DTNA: variants seen among roughly 807,000 people sequenced by gnomAD.
DTNA encodes dystrophin-related protein 3.
Under a neutral mutation model 100.7 loss-of-function variants are expected in DTNA, and 43 were observed. That is an observed-to-expected ratio of 0.43 (90% CI 0.33 to 0.55). The LOEUF (loss-of-function observed/expected upper bound fraction) is 0.55. Among genes scored for constraint, DTNA ranks in the 20% least tolerant of loss-of-function variants. The pLI is 0.04. For missense variants in DTNA, 798 were observed against 953.9 expected (o/e 0.84, Z 2.15); for synonymous variants, 349 against 347.9 (o/e 1.00, Z -0.04).
rs532732852 is a variant in DTNA, at chr18:34,891,030, C to T, written c.*3296C>T. The stretch of plus-strand genomic sequence containing the variant: ...CCACGCAAGGAGCCACAAGTGAGAA[C>T]TCCACTGTCCTTAGAAGAAAGGGCA... On this transcript the variant is annotated 3_prime_UTR_variant, in exon 23 of 23. Transcript: ENST00000444659. 3 of 152,502 alleles carry T rather than the reference C, an allele frequency of 2.0e-5. No homozygotes were observed. Among genetic ancestry groups the T allele is most frequent in the Non-Finnish European group, 2.9e-5 (2 of 68,060 alleles). 9.4% of individuals were successfully genotyped at this position (152,502 alleles called of 1,614,324 possible). A position where few individuals can be genotyped will look rare whatever the true frequency, so the allele number is the denominator to read the frequency against.
chr18:34,889,606 G>A lies in DTNA; in HGVS notation c.*1872G>A, dbSNP rs1377629911. ...TCTTCATGCCCCCTCTGCAGAGGGC[G>A]GCTGTACGATGTTCACATGTCTGCG... On this transcript the variant is annotated 3_prime_UTR_variant, in exon 23 of 23. Coordinates refer to ENST00000444659, the MANE Select transcript of DTNA (RefSeq NM_001386795.1). The A allele has an allele frequency of 1.8e-5, 18 of 985,346 alleles. No homozygotes were observed. Among genetic ancestry groups the A allele is most frequent in the South Asian group, 4.7e-5 (1 of 21,280 alleles). The allele number at this position is 985,346 out of a possible 1,614,324, so 61.0% of individuals were successfully genotyped here.
intron 9 of DTNA, chr18:34,825,312 A>G: frequency 6.2e-7 from 1 of 1,612,760 alleles, no homozygotes; most frequent in East Asian, 2.2e-5. Context: ...ACTTACAAAG[A>G]TGTATAATCA....
Position 34,890,584 on chromosome 18 carries a change from G to A in DTNA, c.*2850G>A. On this transcript the variant is annotated 3_prime_UTR_variant, in exon 23 of 23. Transcript: ENST00000444659. ...TGTTAATAAGCACTGGTCTAACACAGCCAACCCTCCTCCACAGCGCCATAT... is the reference window on the plus strand; with the variant it reads ...TGTTAATAAGCACTGGTCTAACACAACCAACCCTCCTCCACAGCGCCATAT... 1 of 1,248,040 alleles carries A rather than the reference G, an allele frequency of 8.0e-7. No homozygotes were observed. Among genetic ancestry groups the A allele is most frequent in the East Asian group, 2.5e-5 (1 of 39,218 alleles). The allele number at this position is 1,248,040 out of a possible 1,614,324, so 77.3% of individuals were successfully genotyped here.
intron 1 of DTNA, among the ~76,000 whole-genome samples, chr18:34,731,328 A>C (rs2147317482): frequency 6.7e-6 from 1 of 150,172 alleles, no homozygotes; most frequent in African/African-American, 2.5e-5. Flanking sequence ...AAATACAAAA[A>C]ATTAGCCGGG....
At chr18:34,656,282 T>C (rs1013478955) in intron 1 of DTNA, among the ~76,000 whole-genome samples, 2 of 152,150 alleles carry the variant, frequency 1.3e-5, no homozygotes, top group Admixed American at 6.5e-5. Flanking sequence ...CTAGAAGAGG[T>C]GAAGTAAGCC....
intron 1 of DTNA, chr18:34,683,571 T>C (rs945984155): frequency 6.6e-6 from 1 of 152,196 alleles, no homozygotes; most frequent in Non-Finnish European, 1.5e-5. Context: ...AATTTTCATC[T>C]ATTCAACCAA....
chr18:34,889,334 A>G lies in DTNA; in HGVS notation c.*1600A>G. 1.0e-6 allele frequency: 1 copy of G among 981,802 alleles called. No individual in the cohort carries two copies. Among genetic ancestry groups the G allele is most frequent in the Non-Finnish European group, 1.2e-6 (1 of 826,674 alleles). The allele number at this position is 981,802 out of a possible 1,614,324, so 60.8% of individuals were successfully genotyped here. A position where few individuals can be genotyped will look rare whatever the true frequency, so the allele number is the denominator to read the frequency against. Reference sequence around the variant, plus strand: ...GTAAGCCCCACCTCAGGCCTACTGAATCAGAAGCTCTGGGGGTTGGGTCCA... The same window carrying G: ...GTAAGCCCCACCTCAGGCCTACTGAGTCAGAAGCTCTGGGGGTTGGGTCCA... On this transcript the variant is annotated 3_prime_UTR_variant, in exon 23 of 23. Coordinates refer to ENST00000444659, the MANE Select transcript of DTNA (RefSeq NM_001386795.1).
chr18:34,760,813 G>A lies in DTNA; in HGVS notation c.67+4770G>A, dbSNP rs118060616. Among the ~76,000 whole-genome samples the A allele has an allele frequency of 8.0e-3, 1,222 of 152,256 alleles. 6 individuals are homozygous for A. Among genetic ancestry groups the A allele is most frequent in the Non-Finnish European group, 0.013 (860 of 68,026 alleles). On this transcript the variant is annotated intron_variant, in intron 2 of 22. Coordinates refer to ENST00000444659, the MANE Select transcript of DTNA (RefSeq NM_001386795.1). Reference sequence around the variant, plus strand: ...CTGTTGGCAATCTTGGCCCAGTCACGCACACTACTACATTTTGTGTGCTTG... The same window carrying A: ...CTGTTGGCAATCTTGGCCCAGTCACACACACTACTACATTTTGTGTGCTTG...
chr18:34,842,422 T>G (rs769675851), intron 13 of DTNA, among the ~76,000 whole-genome samples: 9 of 152,126 alleles, frequency 5.9e-5, no homozygotes, highest in Admixed American at 1.3e-4. Context: ...GGTCTAAATT[T>G]TTATTAGCTT....
intron 6 of DTNA, among the ~76,000 whole-genome samples, chr18:34,813,609 C>T (rs2095530543): frequency 6.6e-6 from 1 of 152,112 alleles, no homozygotes; most frequent in African/African-American, 2.4e-5. Context: ...AAGCCCAGCA[C>T]TTTGGGAGGC....
intron 16 of DTNA, among the ~76,000 whole-genome samples, chr18:34,859,347 A>G (rs1442111039): frequency 6.6e-6 from 1 of 152,228 alleles, no homozygotes; most frequent in Non-Finnish European, 1.5e-5. Flanking sequence ...TACACTCTAC[A>G]GAGTAGGAGC....
chr18:34,811,986 G>T lies in DTNA; in HGVS notation c.476G>T (p.Ser159Ile). 1 of 1,613,908 alleles carries T rather than the reference G, an allele frequency of 6.2e-7. No homozygotes were observed. The change falls in exon 6 of 23, where the codon AGT becomes ATT. Residue 159 changes from serine to isoleucine, a missense_variant. Ser to Ile is a moderately radical substitution (Grantham distance 142). Transcript: ENST00000444659. ...ATTTTCTCAATGATTTCTGACTCCA[G>T]TGGGGTGATGGTTTATGGACGATAT... is the stretch of plus-strand genomic sequence containing the variant. ...RYIFSMISDS[S>I]GVMVYGRYDQ... is the part of the protein sequence containing the mutation.
intron 1 of DTNA, among the ~76,000 whole-genome samples, chr18:34,700,223 AC>A (rs2081181497): frequency 6.6e-6 from 1 of 152,140 alleles, no homozygotes; most frequent in African/African-American, 2.4e-5. Flanking sequence ...CCCAATCAAT[AC>A]CCTCATCATA....
At chr18:34,536,825 G>A (rs2043762684) in intron 1 of DTNA, among the ~76,000 whole-genome samples, 1 of 151,848 alleles carries the variant, frequency 6.6e-6, no homozygotes, top group South Asian at 2.1e-4. Flanking sequence ...AATATTCCTA[G>A]TGCTTATGAA....
At chr18:34,854,369 T>A (rs1231814810) in intron 15 of DTNA, among the ~76,000 whole-genome samples, 1 of 152,244 alleles carries the variant, frequency 6.6e-6, no homozygotes, top group Non-Finnish European at 1.5e-5. Flanking sequence ...TATTTTGGGT[T>A]TTATTTTTTT....
At chr18:34,618,910 A>C (rs1216016145) in intron 1 of DTNA, among the ~76,000 whole-genome samples, 1 of 152,142 alleles carries the variant, frequency 6.6e-6, no homozygotes, top group East Asian at 1.9e-4. Flanking sequence ...GGAAAGACAC[A>C]TACAAGTAAA....
chr18:34,549,724 T>C (rs2045199566), intron 1 of DTNA, among the ~76,000 whole-genome samples: 1 of 152,128 alleles, frequency 6.6e-6, no homozygotes, highest in African/African-American at 2.4e-5. Context: ...TTCTACTTTG[T>C]TTCTCTGAGC....
chr18:34,663,157 A>G (rs1052256647), intron 1 of DTNA, among the ~76,000 whole-genome samples: 2 of 151,878 alleles, frequency 1.3e-5, no homozygotes, highest in Non-Finnish European at 1.5e-5. Context: ...ATTTATTTTT[A>G]CTTTTTATTT....
intron 13 of DTNA, among the ~76,000 whole-genome samples, chr18:34,841,851 C>A (rs2096274336): frequency 6.6e-6 from 1 of 152,138 alleles, no homozygotes; most frequent in Non-Finnish European, 1.5e-5. Flanking sequence ...TGGGGGTCTT[C>A]TACCCTATAT....
Sources: gnomAD v4.1 joint callset for allele counts (sites outside exome capture counted in the v4.1 genomes callset) on GRCh38, gnomAD v4.1.1 for gene constraint, MANE v1.5 for transcripts, NCBI Gene and HGNC (gene_info 2026-07-23, HGNC 2026-07-21) for gene names.